The following COL5A2 variants were observed in gnomAD, a reference collection of about 807,000 sequenced individuals.
COL5A2 encodes collagen alpha-2(V) chain.
A neutral mutation model predicts 208.2 loss-of-function variants in COL5A2; 23 were observed. The observed-to-expected ratio is 0.11, with a 90% CI of 0.08 to 0.16. The LOEUF is 0.16. Among genes scored for constraint, COL5A2 ranks in the 10% least tolerant of loss-of-function variants. COL5A2 has a pLI of 1.00. For synonymous variants in COL5A2, 625 were observed against 628.5 expected, an observed-to-expected ratio of 0.99 and a Z score of 0.08; for missense variants, 1,590 against 1,956.4, an observed-to-expected ratio of 0.81 and a Z score of 3.53.
chr2:189,220,539 C>G (rs977547555), intron 1 of COL5A2, among the ~76,000 whole-genome samples: 1 of 151,148 alleles, frequency 6.6e-6, no homozygotes, highest in African/African-American at 2.4e-5. Context: ...CCACATTAGC[C>G]AATATAAAAA....
At chr2:189,402,142 G>GTT in the COL5A2 span, among the ~76,000 whole-genome samples, 1 of 152,052 alleles carries the variant, frequency 6.6e-6, no homozygotes. Context: ...ATTTTTGCCC[G>GTT]TGTCTATGTC....
chr2:189,130,954 T>C (rs894060435), intron 1 of COL5A2, among the ~76,000 whole-genome samples: 2 of 152,036 alleles, frequency 1.3e-5, no homozygotes, highest in African/African-American at 4.8e-5. Context: ...TATACTCTAG[T>C]GGAAAGAAAC....
At chr2:189,362,811 G>C in the COL5A2 span, among the ~76,000 whole-genome samples, 1 of 151,956 alleles carries the variant, frequency 6.6e-6, no homozygotes, top group African/African-American at 2.4e-5. Flanking sequence ...ACAGTCCTTT[G>C]AAAAATATTT....
At chr2:189,342,656 C>CAA in the COL5A2 span, among the ~76,000 whole-genome samples, 1 of 150,834 alleles carries the variant, frequency 6.6e-6, no homozygotes, top group Non-Finnish European at 1.5e-5. Context: ...CACACACACA[C>CAA]ACACACACAC....
At chr2:189,253,661 G>A in the COL5A2 span, among the ~76,000 whole-genome samples, 1 of 152,158 alleles carries the variant, frequency 6.6e-6, no homozygotes, top group Non-Finnish European at 1.5e-5. Context: ...CCAAGTCCTT[G>A]ATTTAGTCAT....
chr2:189,300,146 T>C, the COL5A2 span, among the ~76,000 whole-genome samples: 5,615 of 152,292 alleles, frequency 0.037, 118 homozygotes, highest in Admixed American at 0.05. Flanking sequence ...GTAATAACAC[T>C]TACAGTCTTC....
chr2:189,304,302 A>G, the COL5A2 span, among the ~76,000 whole-genome samples: 1 of 152,186 alleles, frequency 6.6e-6, no homozygotes, highest in East Asian at 1.9e-4. Flanking sequence ...TTGTCACTTT[A>G]GCTAAGATTA....
intron 1 of COL5A2, among the ~76,000 whole-genome samples, chr2:189,126,865 A>G (rs1399063179): frequency 1.3e-5 from 2 of 152,134 alleles, no homozygotes; most frequent in Non-Finnish European, 2.9e-5. Flanking sequence ...TTTCCACCCA[A>G]CAAATACTGA....
chr2:189,317,272 T>G, the COL5A2 span, among the ~76,000 whole-genome samples: 1 of 152,138 alleles, frequency 6.6e-6, no homozygotes, highest in South Asian at 2.1e-4. Context: ...AGAAATAAGA[T>G]TTTCAAGTAA....
the COL5A2 span, among the ~76,000 whole-genome samples, chr2:189,405,253 A>G: frequency 1.3e-5 from 2 of 151,126 alleles, no homozygotes; most frequent in Non-Finnish European, 2.9e-5. Flanking sequence ...TTTTTTTTAG[A>G]TAGGGTGTTG....
At chr2:189,172,013 A>G (rs554500746) in intron 1 of COL5A2, among the ~76,000 whole-genome samples, 35 of 152,296 alleles carry the variant, frequency 2.3e-4, no homozygotes, top group African/African-American at 7.5e-4. Context: ...AGGCCTGATA[A>G]GATAAGATGA....
chr2:189,180,668 G>T (rs1033538974), upstream of COL5A2, among the ~76,000 whole-genome samples: 3 of 152,206 alleles, frequency 2.0e-5, no homozygotes, highest in Non-Finnish European at 4.4e-5. Context: ...ACACTAAAAT[G>T]AGTAATGTAT....
chr2:189,173,989 C>T (rs1183070475), intron 1 of COL5A2, among the ~76,000 whole-genome samples: 2 of 152,292 alleles, frequency 1.3e-5, no homozygotes, highest in Admixed American at 6.5e-5. Context: ...ATCAGTTGAT[C>T]CATGTCCATA....
the COL5A2 span, among the ~76,000 whole-genome samples, chr2:189,270,962 C>T: frequency 5.5e-4 from 83 of 152,162 alleles, no homozygotes; most frequent in South Asian, 0.012. Context: ...ATGTGAAGGA[C>T]GTCTTCCAGG....
At chr2:189,282,161 G>A in the COL5A2 span, among the ~76,000 whole-genome samples, 3 of 151,888 alleles carry the variant, frequency 2.0e-5, no homozygotes, top group South Asian at 2.1e-4. Flanking sequence ...ACTCCAGCCT[G>A]GGCAAAAGAG....
At chr2:189,217,436 A>G (rs890408955) in intron 1 of COL5A2, among the ~76,000 whole-genome samples, 6 of 152,170 alleles carry the variant, frequency 3.9e-5, no homozygotes, top group Non-Finnish European at 5.9e-5. Context: ...TGGAGTAGCC[A>G]CAAGCATTTT....
At chr2:189,241,477 T>A in the COL5A2 span, among the ~76,000 whole-genome samples, 138 of 152,296 alleles carry the variant, frequency 9.1e-4, no homozygotes, top group African/African-American at 3.3e-3. Context: ...TCCACGATTA[T>A]CCTATTGTTC....
the COL5A2 span, among the ~76,000 whole-genome samples, chr2:189,270,876 A>C: frequency 6.6e-6 from 1 of 152,162 alleles, no homozygotes; most frequent in Admixed American, 6.6e-5. Context: ...ACAAACAGAG[A>C]GCCAAATCAT....
the COL5A2 span, among the ~76,000 whole-genome samples, chr2:189,363,458 A>G: frequency 6.6e-6 from 1 of 152,130 alleles, no homozygotes; most frequent in African/African-American, 2.4e-5. Flanking sequence ...GCAAATTACT[A>G]TTATTGCTTT....
Sources: gnomAD v4.1 joint callset for allele counts (sites outside exome capture counted in the v4.1 genomes callset) on GRCh38, gnomAD v4.1.1 for gene constraint, MANE v1.5 for transcripts, NCBI Gene and HGNC (gene_info 2026-07-23, HGNC 2026-07-21) for gene names.